The following RNLS variants were observed in gnomAD, a reference collection of about 807,000 sequenced individuals.
RNLS encodes renalase.
RNLS carries 39 observed loss-of-function variants against 39.8 expected under a neutral mutation model. The ratio of observed to expected loss-of-function variants is 0.98; its 90% CI spans 0.76 to 1.28. The LOEUF (loss-of-function observed/expected upper bound fraction) is 1.28, where lower values mean the gene tolerates loss of function less well. Ranked by LOEUF, RNLS falls within the 50% of genes most tolerant of loss-of-function variation. RNLS has a pLI of 0.00. For synonymous variants in RNLS, 147 were observed against 150.7 expected (o/e 0.98, Z 0.18); for missense variants, 410 against 413.3 (o/e 0.99, Z 0.07).
At chr10:88,576,509 G>T (rs1021988070) in intron 3 of RNLS, among the ~76,000 whole-genome samples, 1 of 152,196 alleles carries the variant, frequency 6.6e-6, no homozygotes, top group Admixed American at 6.5e-5. Flanking sequence ...AGTCAGAACT[G>T]CTCAGGTGGG....
At chr10:88,443,376 C>T (rs569439276) in intron 4 of RNLS, among the ~76,000 whole-genome samples, 1 of 152,302 alleles carries the variant, frequency 6.6e-6, no homozygotes, top group Admixed American at 6.5e-5. Context: ...CAGTCTACAG[C>T]TCCCAGCGTG....
intron 4 of RNLS, among the ~76,000 whole-genome samples, chr10:88,373,573 G>C (rs1564742622): frequency 6.6e-6 from 1 of 152,036 alleles, no homozygotes; most frequent in East Asian, 1.9e-4. Context: ...AATTATTTTT[G>C]ATCTTCATAT....
chr10:88,228,464 C>A, the RNLS span, among the ~76,000 whole-genome samples: 2 of 152,202 alleles, frequency 1.3e-5, no homozygotes, highest in African/African-American at 4.8e-5. Flanking sequence ...TGAAGAACTA[C>A]CACATACTCT....
At chr10:88,536,456 A>G (rs1847763670) in intron 4 of RNLS, among the ~76,000 whole-genome samples, 1 of 152,206 alleles carries the variant, frequency 6.6e-6, no homozygotes, top group African/African-American at 2.4e-5. Context: ...CAGAGAGAGC[A>G]TTTAAAATAT....
At chr10:88,417,625 C>T (rs757224990) in intron 4 of RNLS, among the ~76,000 whole-genome samples, 1 of 152,194 alleles carries the variant, frequency 6.6e-6, no homozygotes, top group Non-Finnish European at 1.5e-5. Context: ...CTTGAGGCCA[C>T]TCAAAGGCCA....
At chr10:88,415,743 A>G (rs1564781965) in intron 4 of RNLS, among the ~76,000 whole-genome samples, 1 of 151,116 alleles carries the variant, frequency 6.6e-6, no homozygotes, top group Non-Finnish European at 1.5e-5. Flanking sequence ...GTAAGTACTC[A>G]GTCAGTGTTA....
intron 6 of RNLS, among the ~76,000 whole-genome samples, chr10:88,313,298 C>A (rs1314084400): frequency 6.6e-6 from 1 of 152,150 alleles, no homozygotes; most frequent in Non-Finnish European, 1.5e-5. Flanking sequence ...TTATAAATCA[C>A]AAAGTGACTT....
intron 5 of RNLS, among the ~76,000 whole-genome samples, chr10:88,347,042 A>G (rs1848357022): frequency 6.6e-6 from 1 of 152,208 alleles, no homozygotes; most frequent in Non-Finnish European, 1.5e-5. Context: ...GGTCCCAGAT[A>G]AAAATGGACC....
intron 6 of RNLS, among the ~76,000 whole-genome samples, chr10:88,308,081 A>G (rs1386115006): frequency 6.6e-6 from 1 of 152,244 alleles, no homozygotes; most frequent in Non-Finnish European, 1.5e-5. Context: ...CCATATGCAG[A>G]AGATTGAAAC....
intron 4 of RNLS, among the ~76,000 whole-genome samples, chr10:88,447,290 A>C (rs1245640415): frequency 6.6e-6 from 1 of 152,226 alleles, no homozygotes; most frequent in African/African-American, 2.4e-5. Context: ...AAATCTCCTT[A>C]AGCTGATAAG....
chr10:88,261,915 T>G, the RNLS span, among the ~76,000 whole-genome samples: 1 of 152,134 alleles, frequency 6.6e-6, no homozygotes, highest in Non-Finnish European at 1.5e-5. Context: ...ATCTTTTAGA[T>G]GGAGGAGTGG....
intron 4 of RNLS, among the ~76,000 whole-genome samples, chr10:88,466,696 A>C (rs1015126496): frequency 6.6e-6 from 1 of 152,090 alleles, no homozygotes; most frequent in Non-Finnish European, 1.5e-5. Flanking sequence ...TTGAGTTGTG[A>C]CCCCAAAAGT....
chr10:88,362,230 G>T (rs1849693571), intron 5 of RNLS, among the ~76,000 whole-genome samples: 1 of 151,698 alleles, frequency 6.6e-6, no homozygotes, highest in Admixed American at 6.6e-5. Flanking sequence ...ACTTCACCAA[G>T]AAACAAATGA....
chr10:88,237,527 A>G, the RNLS span, among the ~76,000 whole-genome samples: 1 of 152,194 alleles, frequency 6.6e-6, no homozygotes, highest in East Asian at 1.9e-4. Flanking sequence ...ATATTTATAT[A>G]CTTCCAATCT....
At chr10:88,549,264 T>G (rs1848494132) in intron 4 of RNLS, among the ~76,000 whole-genome samples, 1 of 117,888 alleles carries the variant, frequency 8.5e-6, no homozygotes, top group Admixed American at 9.2e-5. Flanking sequence ...AAAGTAAAAC[T>G]AAAAAAAAAA....
intron 4 of RNLS, among the ~76,000 whole-genome samples, chr10:88,383,804 T>TTGAC (rs1589701908): frequency 1.3e-5 from 2 of 152,230 alleles, no homozygotes; most frequent in East Asian, 3.9e-4. Context: ...ATATTAGTAT[T>TTGAC]TGACAGTATC....
intron 5 of RNLS, among the ~76,000 whole-genome samples, chr10:88,316,159 G>A (rs189649845): frequency 6.6e-6 from 1 of 152,312 alleles, no homozygotes; most frequent in African/African-American, 2.4e-5. Context: ...TTCAGAATTT[G>A]TGCAGTAAAT....
chr10:88,311,966 C>G (rs1244234357), intron 6 of RNLS, among the ~76,000 whole-genome samples: 1 of 152,116 alleles, frequency 6.6e-6, no homozygotes. Context: ...ATGGCTGATG[C>G]TCTCTCCAGA....
At chr10:88,398,913 A>G (rs1852733338) in intron 4 of RNLS, among the ~76,000 whole-genome samples, 2 of 152,082 alleles carry the variant, frequency 1.3e-5, no homozygotes, top group Admixed American at 1.3e-4. Context: ...TCTAAAATAC[A>G]CAAAGAACTC....
Sources: allele counts gnomAD v4.1 joint callset (sites outside exome capture counted in the v4.1 genomes callset), GRCh38; gene constraint gnomAD v4.1.1; transcripts MANE v1.5; gene names NCBI Gene and HGNC (gene_info 2026-07-23, HGNC 2026-07-21).